The following FEZ1 variants were observed in gnomAD, a reference collection of about 807,000 sequenced individuals.
The protein encoded by FEZ1 is fasciculation and elongation protein zeta-1.
Under a neutral mutation model 49.3 loss-of-function variants are expected in FEZ1, and 20 were observed. That is an observed-to-expected ratio of 0.41 (90% CI 0.29 to 0.59). The LOEUF is 0.59. FEZ1 is among the 20% of genes least tolerant of loss of function. The pLI is 0.36. For synonymous variants in FEZ1, 170 were observed against 180.9 expected (o/e 0.94, Z 0.48); for missense variants, 413 against 476.0 (o/e 0.87, Z 1.23).
In FEZ1 at chr11:125,444,542, G is replaced by T. The variant is rs186152876; in HGVS notation, c.*1553C>A. Among the ~76,000 whole-genome samples, 1 of 151,800 alleles carries T rather than the reference G, an allele frequency of 6.6e-6. No homozygotes were observed. Among genetic ancestry groups the T allele is most frequent in the African/African-American group, 2.4e-5 (1 of 41,298 alleles). ...GGAGTTTGCGGCGAGCTGAGATAGC[G>T]CCATTGTACTCCAGCCTGAGCAACA... On this transcript the variant is annotated 3_prime_UTR_variant, in exon 10 of 10. Coordinates refer to ENST00000278919, the MANE Select transcript of FEZ1 (RefSeq NM_005103.5).
At chr11:125,474,902 A>G (rs1957216872) in intron 3 of FEZ1, among the ~76,000 whole-genome samples, 1 of 151,950 alleles carries the variant, frequency 6.6e-6, no homozygotes, top group Non-Finnish European at 1.5e-5. Flanking sequence ...AAAAAAAGAA[A>G]CTCTTACAAC....
rs575985929 is a variant in FEZ1 at position 125,457,760 on chromosome 11, C to T, written c.668-1654G>A. Among the ~76,000 whole-genome samples the T allele has an allele frequency of 2.2e-4, 34 of 151,962 alleles. No homozygotes were observed. The East Asian group carries it at 6.6e-3, about 29-fold the overall frequency. On this transcript the variant is annotated intron_variant, in intron 5 of 9. Coordinates refer to ENST00000278919, the MANE Select transcript of FEZ1 (RefSeq NM_005103.5). Reference sequence around the variant, plus strand: ...GGTATCCACTCCCTAAGGCATTTTTCCTTTATGTCACAAACAATCCAATTA... The same window carrying T: ...GGTATCCACTCCCTAAGGCATTTTTTCTTTATGTCACAAACAATCCAATTA...
chr11:125,480,681 A>G (rs536371766), intron 3 of FEZ1, among the ~76,000 whole-genome samples: 1 of 152,278 alleles, frequency 6.6e-6, no homozygotes, highest in East Asian at 1.9e-4. Context: ...AAGCCATGAC[A>G]GTTTCCTCCT....
rs927370064 is a variant in FEZ1 at position 125,492,525 on chromosome 11, A to C, written c.-45-2703T>G. 2.0e-5 allele frequency among the ~76,000 whole-genome samples: 3 copies of C among 152,238 alleles called. No homozygotes were observed. The South Asian group carries it at 6.2e-4, about 31-fold the overall frequency. On this transcript the variant is annotated intron_variant, in intron 1 of 9. Coordinates refer to ENST00000278919, the MANE Select transcript of FEZ1 (RefSeq NM_005103.5). ...TAGAAAAGATGGCAGAATGCAGTAG[A>C]GAGTAAAACAGTTTTCACAGCCCAG...
At chr11:125,494,386 T>G (rs1301596209) in intron 1 of FEZ1, among the ~76,000 whole-genome samples, 3 of 152,188 alleles carry the variant, frequency 2.0e-5, no homozygotes, top group South Asian at 2.1e-4. Flanking sequence ...CACGGAGTGC[T>G]TTCATCCTTC....
At position 125,456,057 on chromosome 11, in the gene FEZ1, C is replaced by T. The variant is rs1165487926; in HGVS notation, c.717G>A (p.Val239=). ...CCGAGAAGTCACGGATGGCACCCTC[C>T]ACCTGGTCCAGCAGCTCGGTCAGCT... The part of the protein sequence containing the change: ...GSELTELLDQ[V]EGAIRDFSEE... The change falls in exon 6 of 10, where the codon GTG becomes GTA. Residue 239 remains valine, a synonymous_variant. Coordinates refer to ENST00000278919, the MANE Select transcript of FEZ1 (RefSeq NM_005103.5). The T allele has an allele frequency of 1.9e-6, 3 of 1,611,494 alleles. No individual in the cohort carries two copies. The South Asian group carries it at 3.3e-5, about 18-fold the overall frequency.
intron 3 of FEZ1, among the ~76,000 whole-genome samples, chr11:125,475,682 A>G (rs544014249): frequency 6.6e-6 from 1 of 152,232 alleles, no homozygotes; most frequent in South Asian, 2.1e-4. Context: ...ACAAACCCCC[A>G]TGACACAATT....
At position 125,457,471 on chromosome 11, in the gene FEZ1, TGTATATATACAC is replaced by T. The variant is rs1390568572; in HGVS notation, c.668-1377_668-1366del. Among the ~76,000 whole-genome samples the T allele has an allele frequency of 6.8e-3, 322 of 47,576 alleles. 3 individuals are homozygous for T. Among genetic ancestry groups the T allele is most frequent in the South Asian group, 9.9e-3 (12 of 1,208 alleles). The allele number at this position is 47,576 out of a possible 152,430, so 31.2% of individuals were successfully genotyped here. On this transcript the variant is annotated intron_variant, in intron 5 of 9. Transcript: ENST00000278919. ...ATATATGTATATATACACATATATA[TGTATATATACAC>T]ATATATGTGTATATATGTATATATA...
At chr11:125,470,007 G>C (rs1478160546) in intron 3 of FEZ1, among the ~76,000 whole-genome samples, 1 of 152,062 alleles carries the variant, frequency 6.6e-6, no homozygotes, top group African/African-American at 2.4e-5. Flanking sequence ...AAACCACCAT[G>C]CCTGGCCATA....
At chr11:125,483,002 A>G (rs888243882) in intron 2 of FEZ1, among the ~76,000 whole-genome samples, 4 of 149,540 alleles carry the variant, frequency 2.7e-5, no homozygotes, top group Admixed American at 2.7e-4. Context: ...AAAAAAAAAA[A>G]AACTAAAATA....
At chr11:125,484,477 A>T (rs1957309804) in intron 2 of FEZ1, among the ~76,000 whole-genome samples, 2 of 152,208 alleles carry the variant, frequency 1.3e-5, no homozygotes, top group Admixed American at 6.5e-5. Context: ...GTTCCTAATC[A>T]TAACCTAGGA....
chr11:125,460,786 T>A, intron 4 of FEZ1, 120 bp from the exon 5 acceptor site: 1 of 781,228 alleles, frequency 1.3e-6, no homozygotes, highest in South Asian at 2.0e-5. Context: ...AAAGCAATAT[T>A]GTTTTTACAT....
intron 2 of FEZ1, among the ~76,000 whole-genome samples, chr11:125,485,633 G>A (rs1191446412): frequency 6.6e-6 from 1 of 152,090 alleles, no homozygotes; most frequent in Non-Finnish European, 1.5e-5. Context: ...TGCACTTTAT[G>A]TTTAGAAAGT....
intron 3 of FEZ1, among the ~76,000 whole-genome samples, chr11:125,469,687 C>G (rs972753019): frequency 3.3e-5 from 5 of 152,004 alleles, no homozygotes; most frequent in African/African-American, 1.2e-4. Flanking sequence ...CCTCAGCCTC[C>G]CAAGTAGCTG....
intron 1 of FEZ1, among the ~76,000 whole-genome samples, chr11:125,493,415 AAAGAAAGAAGG>A: frequency 1.4e-5 from 1 of 72,988 alleles, no homozygotes; most frequent in Non-Finnish European, 2.5e-5. Context: ...AGAAAGAAAG[AAAGAAAGAAGG>A]AAAGAAGGAA....
At chr11:125,485,021 C>T (rs1484710746) in intron 2 of FEZ1, among the ~76,000 whole-genome samples, 2 of 152,100 alleles carry the variant, frequency 1.3e-5, no homozygotes, top group African/African-American at 2.4e-5. Flanking sequence ...TGTGAGTACC[C>T]GGAGGTGGAC....
chr11:125,446,645 G>A (rs148132792), intron 9 of FEZ1, among the ~76,000 whole-genome samples: 1 of 41,820 alleles, frequency 2.4e-5, no homozygotes, highest in Non-Finnish European at 6.9e-5. Context: ...TTTGTGTTTT[G>A]TTGTTGTTGT....
At chr11:125,480,318 C>T (rs1193535479) in intron 3 of FEZ1, among the ~76,000 whole-genome samples, 2 of 152,048 alleles carry the variant, frequency 1.3e-5, no homozygotes, top group African/African-American at 4.8e-5. Context: ...CCCAGGAGGT[C>T]AAGGCTGTAG....
Position 125,489,656 on chromosome 11 carries a change from G to T in FEZ1, c.122C>A (p.Pro41His). Residue 41 changes from proline to histidine, a missense_variant, in exon 2 of 10, where the codon CCC becomes CAC. By Grantham distance (77) the Pro-to-His change is moderately conservative (BLOSUM62 -2). Transcript: ENST00000278919. This position sits in a 1 kb window ranked among gnomAD's most constrained non-coding sequence, Gnocchi z 4.2. ...YGSSPHHLED[P>H]SLSELENFSS... ...AAAATTCTCAAGCTCGGAGAGGGAG[G>T]GGTCCTCGAGATGGTGGGGAGATGA... The T allele has an allele frequency of 1.2e-6, 2 of 1,614,026 alleles. No homozygotes were observed. The highest frequency in any genetic ancestry group is 2.2e-5 in the East Asian group (1 of 44,872).
Sources: allele counts gnomAD v4.1 joint callset (sites outside exome capture counted in the v4.1 genomes callset), GRCh38; gene constraint gnomAD v4.1.1; non-coding constraint Gnocchi (gnomAD v3.1); transcripts MANE v1.5; gene names NCBI Gene and HGNC (gene_info 2026-07-23, HGNC 2026-07-21).